The following LSAMP variants were observed in gnomAD, a reference collection of about 807,000 sequenced individuals.
The protein encoded by LSAMP is limbic system-associated membrane protein.
Under a neutral mutation model 38.6 loss-of-function variants are expected in LSAMP, and 7 were observed. The observed-to-expected ratio is 0.18, with a 90% confidence interval of 0.10 to 0.34. The LOEUF (loss-of-function observed/expected upper bound fraction) is 0.34, where lower values mean the gene tolerates loss of function less well. Ranked by LOEUF, LSAMP falls within the 10% of genes least tolerant of loss-of-function variation. The probability of loss-of-function intolerance (pLI) is 1.00; values close to 1 mark genes in which losing one functional copy is unlikely to be tolerated. For missense variants in LSAMP, 313 were observed against 420.0 expected, an observed-to-expected ratio of 0.75 and a Z score of 2.23; for synonymous variants, 154 against 166.8, an observed-to-expected ratio of 0.92 and a Z score of 0.59.
chr3:116,332,636 T>A (rs898551275), intron 1 of LSAMP, among the ~76,000 whole-genome samples: 1 of 152,176 alleles, frequency 6.6e-6, no homozygotes, highest in Non-Finnish European at 1.5e-5. Context: ...AGTAAATCTG[T>A]TCCTATCTGT....
At chr3:115,942,784 C>T (rs775066840) in intron 3 of LSAMP, among the ~76,000 whole-genome samples, 4 of 152,114 alleles carry the variant, frequency 2.6e-5, no homozygotes, top group African/African-American at 7.2e-5. Context: ...AAGTGATCTG[C>T]AGACCACATT....
At chr3:116,292,616 TG>T (rs2047282630) in intron 1 of LSAMP, among the ~76,000 whole-genome samples, 1 of 152,132 alleles carries the variant, frequency 6.6e-6, no homozygotes, top group Non-Finnish European at 1.5e-5. Flanking sequence ...GCTTTACAAA[TG>T]TACGATTTTG....
chr3:116,373,391 G>A (rs889863061), intron 1 of LSAMP, among the ~76,000 whole-genome samples: 4 of 151,570 alleles, frequency 2.6e-5, no homozygotes, highest in Non-Finnish European at 4.4e-5. Flanking sequence ...TCATAAGGAC[G>A]GAAAGTAGGA....
rs576462849 is a variant in LSAMP at position 115,899,437 on chromosome 3, CA to C, written c.515-46821del. On this transcript the variant is annotated intron_variant, in intron 3 of 6. Transcript: ENST00000490035. ...AGCATTCACAATTCCTATAAATCAC[CA>C]AGTCTACTTTCCTTGGTGAATAAGA... 7.2e-5 allele frequency among the ~76,000 whole-genome samples: 11 copies of C among 152,166 alleles called. 2 individuals are homozygous for C. In the South Asian group the frequency reaches 2.3e-3, roughly 32 times the overall value.
intron 3 of LSAMP, among the ~76,000 whole-genome samples, chr3:115,894,987 T>TAGA (rs1202914634): frequency 6.6e-6 from 1 of 151,476 alleles, no homozygotes; most frequent in Non-Finnish European, 1.5e-5. Context: ...TGCGGATGAA[T>TAGA]AGAGAATAAA....
intron 1 of LSAMP, among the ~76,000 whole-genome samples, chr3:116,159,562 C>G (rs62269186): frequency 6.6e-6 from 1 of 151,954 alleles, no homozygotes; most frequent in Non-Finnish European, 1.5e-5. Flanking sequence ...ATATCTCACA[C>G]CAGTCAGAAT....
At chr3:116,248,729 G>T (rs894977612) in intron 1 of LSAMP, among the ~76,000 whole-genome samples, 5 of 152,006 alleles carry the variant, frequency 3.3e-5, no homozygotes, top group Non-Finnish European at 7.4e-5. Flanking sequence ...ACTCACTGAG[G>T]TTTCTTAAGC....
chr3:116,274,834 T>G (rs1408322309), intron 1 of LSAMP, among the ~76,000 whole-genome samples: 1 of 152,086 alleles, frequency 6.6e-6, no homozygotes, highest in Non-Finnish European at 1.5e-5. Flanking sequence ...CGCTGTAGTC[T>G]TTTTCCCTCC....
intron 1 of LSAMP, among the ~76,000 whole-genome samples, chr3:116,336,964 A>ATG (rs926908896): frequency 1.3e-5 from 2 of 151,540 alleles, no homozygotes; most frequent in East Asian, 1.9e-4. Context: ...ACATATATAT[A>ATG]TGTGTGTGTG....
intron 1 of LSAMP, among the ~76,000 whole-genome samples, chr3:116,186,639 A>G (rs958110350): frequency 1.3e-5 from 2 of 152,154 alleles, no homozygotes; most frequent in East Asian, 3.9e-4. Context: ...AGCTTCAAGG[A>G]CTCACAATTA....
intron 3 of LSAMP, among the ~76,000 whole-genome samples, chr3:116,002,503 C>G: frequency 6.6e-6 from 1 of 152,250 alleles, no homozygotes; most frequent in South Asian, 2.1e-4. Context: ...ACCACATACC[C>G]CTACATCCCT....
At chr3:116,435,564 C>A (rs968415424) in intron 1 of LSAMP, among the ~76,000 whole-genome samples, 2 of 152,182 alleles carry the variant, frequency 1.3e-5, no homozygotes, top group Non-Finnish European at 2.9e-5. Context: ...GCGTGCCACA[C>A]CAGAAACCAC....
At chr3:115,840,279 G>A (rs1934954966) in intron 6 of LSAMP, among the ~76,000 whole-genome samples, 1 of 152,092 alleles carries the variant, frequency 6.6e-6, no homozygotes, top group Non-Finnish European at 1.5e-5. Context: ...TTAAGTGAAT[G>A]TTGTTCTGCT....
chr3:115,933,121 G>T (rs186542645), intron 3 of LSAMP, among the ~76,000 whole-genome samples: 2 of 152,200 alleles, frequency 1.3e-5, no homozygotes, highest in Non-Finnish European at 1.5e-5. Flanking sequence ...GGTTTCACTC[G>T]ACAAGTATGG....
At chr3:116,184,936 A>C (rs1710575299) in intron 1 of LSAMP, among the ~76,000 whole-genome samples, 1 of 151,622 alleles carries the variant, frequency 6.6e-6, no homozygotes, top group East Asian at 1.9e-4. Context: ...TTTGATTCTC[A>C]GAATACATAT....
chr3:116,003,485 C>G (rs563932857), intron 3 of LSAMP, among the ~76,000 whole-genome samples: 2 of 152,148 alleles, frequency 1.3e-5, no homozygotes, highest in Non-Finnish European at 2.9e-5. Context: ...ATTCTCTAAT[C>G]TTTTTATTCT....
chr3:116,199,250 C>T (rs890683398), intron 1 of LSAMP, among the ~76,000 whole-genome samples: 28 of 151,936 alleles, frequency 1.8e-4, no homozygotes, highest in Non-Finnish European at 3.7e-4. Context: ...TCAACACCTA[C>T]TGTTAAGAAA....
chr3:115,825,254 T>C (rs577836341), intron 6 of LSAMP, among the ~76,000 whole-genome samples: 2 of 152,304 alleles, frequency 1.3e-5, no homozygotes, highest in East Asian at 1.9e-4. Context: ...TCTATTGCAC[T>C]AACTACCGCA....
intron 2 of LSAMP, among the ~76,000 whole-genome samples, chr3:116,050,024 C>A (rs1020198892): frequency 6.6e-6 from 1 of 152,174 alleles, no homozygotes; most frequent in South Asian, 2.1e-4. Flanking sequence ...GCTCTGTGCC[C>A]TGGGAGGCTG....
Sources: gnomAD v4.1 joint callset for allele counts (sites outside exome capture counted in the v4.1 genomes callset) on GRCh38, gnomAD v4.1.1 for gene constraint, MANE v1.5 for transcripts, NCBI Gene and HGNC (gene_info 2026-07-23, HGNC 2026-07-21) for gene names.